Variants in ZDHHC11 observed in about 807,000 individuals in gnomAD.
ZDHHC11 encodes palmitoyltransferase ZDHHC11.
A neutral mutation model predicts 51.3 loss-of-function variants in ZDHHC11; 44 were observed. That is an observed-to-expected ratio of 0.86 (90% CI 0.67 to 1.10). The LOEUF is 1.10. Ranked by LOEUF, ZDHHC11 falls within the 50% of genes least tolerant of loss-of-function variation. ZDHHC11 has a pLI of 0.00. For missense variants in ZDHHC11, 400 were observed against 537.7 expected, an observed-to-expected ratio of 0.74 and a Z score of 2.53; for synonymous variants, 163 against 222.0, an observed-to-expected ratio of 0.73 and a Z score of 2.36.
upstream of ZDHHC11, among the ~76,000 whole-genome samples, chr5:860,148 G>A (rs1748716076): frequency 6.6e-6 from 1 of 152,210 alleles, no homozygotes; most frequent in Admixed American, 6.5e-5. The surrounding 1 kb of genome is among the most constrained non-coding windows in gnomAD (Gnocchi z 4.2). Context: ...AGCTGGGCTG[G>A]GGCGGGTGCC....
chr5:849,385 G>A lies in ZDHHC11; in HGVS notation c.223-725C>T, dbSNP rs560530223. Among the ~76,000 whole-genome samples, 11 of 152,250 alleles carry A rather than the reference G, an allele frequency of 7.2e-5. No homozygotes were observed. The East Asian group carries it at 7.7e-4, about 11-fold the overall frequency. On this transcript the variant is annotated intron_variant, in intron 1 of 12. Transcript: ENST00000283441. ...GGACATCCCAGGTATAAACACAGCC[G>A]GATGCAGCCCCAAAGGCCCTGGAGG...
At chr5:853,321 G>GA (rs1747586632), upstream of ZDHHC11, among the ~76,000 whole-genome samples, 1 of 148,286 alleles carries the variant, frequency 6.7e-6, no homozygotes, top group African/African-American at 2.5e-5. Context: ...CAGCGAGTCG[G>GA]GCACAGACCC....
chr5:824,583 C>T (rs1742032148), intron 8 of ZDHHC11, among the ~76,000 whole-genome samples: 1 of 151,534 alleles, frequency 6.6e-6, no homozygotes, highest in South Asian at 2.1e-4. Flanking sequence ...GACACAGAGT[C>T]CATGTAACAA....
In ZDHHC11 at chr5:823,631, G is replaced by A. The variant is rs1741854919; in HGVS notation, c.1023+1533C>T. On this transcript the variant is annotated intron_variant, in intron 8 of 12. Coordinates refer to ENST00000283441, the MANE Select transcript of ZDHHC11 (RefSeq NM_024786.3). ...TTCAGATGGAATTCTCCTCCCCGAT[G>A]TGAACAATGAACGACGGTGTCACTT... The A allele has an allele frequency of 1.2e-5, 2 of 169,094 alleles. 1 individual carries two copies. The highest frequency in any genetic ancestry group is 4.7e-5 in the African/African-American group (2 of 42,620). The allele number at this position is 169,094 out of a possible 1,614,324, so 10.5% of individuals were successfully genotyped here. A position where few individuals can be genotyped will look rare whatever the true frequency, so the allele number is the denominator to read the frequency against.
chr5:815,100 A>G lies in ZDHHC11; in HGVS notation c.1147-305T>C. ...AATGGATGTTAGATGAGGCTACTAG[A>G]GTGAGCCCTAATCCAGAGTGACTGG... On this transcript the variant is annotated intron_variant, in intron 10 of 12. Transcript: ENST00000283441. Among the ~76,000 whole-genome samples, 2 of 151,416 alleles carry G rather than the reference A, an allele frequency of 1.3e-5. 1 individual carries two copies. The highest frequency in any genetic ancestry group is 3.0e-5 in the Non-Finnish European group (2 of 67,646).
At chr5:822,754 G>A (rs1241506347) in intron 8 of ZDHHC11, among the ~76,000 whole-genome samples, 1 of 151,724 alleles carries the variant, frequency 6.6e-6, no homozygotes, top group Non-Finnish European at 1.5e-5. Flanking sequence ...GGATCCTCCT[G>A]CCTTGTGGGC....
At chr5:801,304 G>A (rs1400317003) in intron 11 of ZDHHC11, 140 bp from the exon 12 acceptor site, 2 of 1,044,068 alleles carry the variant, frequency 1.9e-6, no homozygotes, top group Non-Finnish European at 2.8e-6. Context: ...TCACCTCTCT[G>A]AGTTTCAGAG....
At chr5:851,099 A>C (rs1747160662), upstream of ZDHHC11, 1 of 166,506 alleles carries the variant, frequency 6.0e-6, no homozygotes. Flanking sequence ...ATGCCTGAAG[A>C]GCTCGTGAGC....
Position 804,189 on chromosome 5 carries a change from C to G in ZDHHC11, c.1182-3025G>C, listed in dbSNP as rs369459502. 2.0e-5 allele frequency among the ~76,000 whole-genome samples: 3 copies of G among 151,402 alleles called. No individual in the cohort carries two copies. In the East Asian group the frequency reaches 5.8e-4, roughly 29 times the overall value. ...GAAAATTCCAGAAATAAACAATTCA[C>G]AAGTTTTAAATTGTGTGTAGTTCTC... On this transcript the variant is annotated intron_variant, in intron 11 of 12. Coordinates refer to ENST00000283441, the MANE Select transcript of ZDHHC11 (RefSeq NM_024786.3).
chr5:837,361 G>A lies in ZDHHC11; in HGVS notation c.900+4C>T, dbSNP rs1159467782. On this transcript the variant is annotated splice_donor_region_variant and intron_variant, in intron 6 of 12. Coordinates refer to ENST00000283441, the MANE Select transcript of ZDHHC11 (RefSeq NM_024786.3). ...GAGAAATGGAGCAGAGAGACAGGTGGTACCTGGAGAACTCCTTTGTCCATT... is the reference window on the plus strand; with the variant it reads ...GAGAAATGGAGCAGAGAGACAGGTGATACCTGGAGAACTCCTTTGTCCATT... 5.0e-6 allele frequency: 8 copies of A among 1,613,760 alleles called. No individual in the cohort carries two copies. The highest frequency in any genetic ancestry group is 3.3e-5 in the South Asian group (3 of 91,072).
Position 824,450 on chromosome 5 carries a change from G to T in ZDHHC11, c.1023+714C>A, listed in dbSNP as rs537683322. Among the ~76,000 whole-genome samples the T allele has an allele frequency of 3.3e-3, 494 of 151,412 alleles. 1 individual carries two copies. The highest frequency in any genetic ancestry group is 0.011 in the African/African-American group (459 of 41,342). ...CAATCCATGTTGGGTGATGGAGTGA[G>T]ATCTCATCTCTAAAAAATAAATAAT... On this transcript the variant is annotated intron_variant, in intron 8 of 12. Transcript: ENST00000283441.
intron 5 of ZDHHC11, chr5:840,206 T>C (rs1328134718): frequency 4.3e-6 from 3 of 694,270 alleles, no homozygotes; most frequent in Middle Eastern, 2.3e-4. Flanking sequence ...TTTAAACTTG[T>C]TACTTCAAGC....
At chr5:819,720 T>A in intron 9 of ZDHHC11, 108 bp from the exon 10 acceptor site, 2 of 1,177,164 alleles carry the variant, frequency 1.7e-6, no homozygotes, top group South Asian at 2.6e-5. Flanking sequence ...GTGGGGCCCA[T>A]GTGTCTCAGA....
At position 840,713 on chromosome 5, in the gene ZDHHC11, C is replaced by T. The variant is rs536332836; in HGVS notation, c.629-63G>A. The T allele has an allele frequency of 2.7e-4, 428 of 1,604,014 alleles. 1 individual carries two copies. In the East Asian group the frequency reaches 6.8e-3, roughly 25 times the overall value. ...GCTGACGGGTGCCACATCAGGTGGA[C>T]GTCACAGACCAGAGCGTGCTGGGGA... On this transcript the variant is annotated intron_variant, in intron 4 of 12. Transcript: ENST00000283441.
At chr5:843,863 C>CACACAA (rs1745549821) in intron 3 of ZDHHC11, 139 bp from the exon 4 acceptor site, 2 of 445,426 alleles carry the variant, frequency 4.5e-6, no homozygotes, top group African/African-American at 8.1e-5. Context: ...GCGGCAGGGG[C>CACACAA]ATGCGGGGCA....
At chr5:847,359 G>A (rs1445003413) in intron 3 of ZDHHC11, among the ~76,000 whole-genome samples, 155 bp downstream of exon 3, 7 of 151,672 alleles carry the variant, frequency 4.6e-5, no homozygotes, top group African/African-American at 1.7e-4. Context: ...AGGAGGCCGG[G>A]GCACGCAGGC....
In ZDHHC11 at chr5:840,649, A is replaced by C; in HGVS notation, c.630T>G (p.Asp210Glu). 6.2e-7 allele frequency: 1 copy of C among 1,613,760 alleles called. No homozygotes were observed. The highest frequency in any genetic ancestry group is 8.5e-7 in the Non-Finnish European group (1 of 1,179,866). Residue 210 changes from aspartate (D) to glutamate (E), a missense_variant and splice_region_variant, in exon 5 of 13, where the codon GAT (aspartate) becomes GAG (glutamate). Transcript: ENST00000283441. ...GVLRTDPRYE[D>E]VKNMNTWLLF... ...GCAGCCACGTGTTCATATTCTTGAC[A>C]TCTGGGGAGACAAGGGAGAGCCACT...
intron 12 of ZDHHC11, among the ~76,000 whole-genome samples, chr5:797,608 T>A (rs1314361746): frequency 6.6e-5 from 10 of 151,540 alleles, no homozygotes; most frequent in Non-Finnish European, 7.4e-5. Context: ...ATATTTCTCA[T>A]AAGTTTTATT....
chr5:844,009 GGGGCATGCA>G (rs890474983), intron 3 of ZDHHC11, among the ~76,000 whole-genome samples: 3 of 142,422 alleles, frequency 2.1e-5, no homozygotes, highest in African/African-American at 8.7e-5. Flanking sequence ...GGCAGGGGCG[GGGGCATGCA>G]GGGCAGGTGT....
Sources: allele counts gnomAD v4.1 joint callset (sites outside exome capture counted in the v4.1 genomes callset), GRCh38; gene constraint gnomAD v4.1.1; non-coding constraint Gnocchi (gnomAD v3.1); transcripts MANE v1.5; gene names NCBI Gene and HGNC (gene_info 2026-07-23, HGNC 2026-07-21).